SFSWAP: variants seen among roughly 807,000 people sequenced by gnomAD.
The protein encoded by SFSWAP is splicing factor SWAP, also known as splicing factor, suppressor of white-apricot homolog.
In SFSWAP, 17 loss-of-function variants were observed where a neutral mutation model predicts 100.7. The observed-to-expected ratio is 0.17, with a 90% CI of 0.12 to 0.25. SFSWAP has a LOEUF of 0.25. Among genes scored for constraint, SFSWAP ranks in the 10% least tolerant of loss-of-function variants. The pLI is 1.00. For missense variants in SFSWAP, 1,005 were observed against 1,262.6 expected, an observed-to-expected ratio of 0.80 and a Z score of 3.09; for synonymous variants, 504 against 510.1, an observed-to-expected ratio of 0.99 and a Z score of 0.16.
At chr12:131,797,401 AG>A in intron 16 of SFSWAP, 41 bp downstream of exon 16, 2 of 1,547,830 alleles carry the variant, frequency 1.3e-6, no homozygotes, top group South Asian at 2.3e-5. Flanking sequence ...GGGAAAGGCA[AG>A]GGGCGGCCAG....
intron 13 of SFSWAP, among the ~76,000 whole-genome samples, chr12:131,776,680 C>T (rs566018957): frequency 1.3e-5 from 2 of 152,354 alleles, no homozygotes; most frequent in African/African-American, 4.8e-5. Flanking sequence ...TGGAGCTCTC[C>T]CCGGGGAGCA....
At chr12:131,769,264 T>C (rs1025137294) in intron 13 of SFSWAP, among the ~76,000 whole-genome samples, 1 of 152,178 alleles carries the variant, frequency 6.6e-6, no homozygotes, top group Non-Finnish European at 1.5e-5. Context: ...ATATATCCAC[T>C]TCTGTGGTTA....
chr12:131,778,388 G>A lies in SFSWAP; in HGVS notation c.2408+58G>A, dbSNP rs1884196865. 5.1e-6 allele frequency: 8 copies of A among 1,577,346 alleles called. 1 individual carries two copies. In the South Asian group the frequency reaches 8.1e-5, roughly 16 times the overall value. Reference sequence around the variant, plus strand: ...CTCATGACCCCCATGTCCTTCACAGGACACCCAGTAGAGCTAGGTAGAACG... The same window carrying A: ...CTCATGACCCCCATGTCCTTCACAGAACACCCAGTAGAGCTAGGTAGAACG... On this transcript the variant is annotated intron_variant, in intron 14 of 17. Coordinates refer to ENST00000261674, the MANE Select transcript of SFSWAP (RefSeq NM_004592.4). The surrounding 1 kb of genome is among the most constrained non-coding windows in gnomAD (Gnocchi z 4.2).
intron 15 of SFSWAP, 128 bp downstream of exon 15, chr12:131,786,716 C>A: frequency 1.1e-6 from 1 of 897,394 alleles, no homozygotes; most frequent in Non-Finnish European, 1.7e-6. Context: ...GAGTCCCCCA[C>A]CACCCCCCCA....
Position 131,778,334 on chromosome 12 carries a change from G to A in SFSWAP, c.2408+4G>A, listed in dbSNP as rs1372779729. ...ATCGGACAGTGCGGCGGTCGAGGTG[G>A]GTGTGAAGGGGGCAGCACCTCTGGT... On this transcript the variant is annotated splice_donor_region_variant and intron_variant, in intron 14 of 17. Coordinates refer to ENST00000261674, the MANE Select transcript of SFSWAP (RefSeq NM_004592.4). The surrounding 1 kb of genome is among the most constrained non-coding windows in gnomAD (Gnocchi z 4.2). The A allele has an allele frequency of 1.2e-6, 2 of 1,610,512 alleles. No homozygotes were observed. Among genetic ancestry groups the A allele is most frequent in the Admixed American group, 1.7e-5 (1 of 59,512 alleles).
intron 13 of SFSWAP, among the ~76,000 whole-genome samples, chr12:131,774,452 G>C (rs375859421): frequency 6.6e-5 from 10 of 152,134 alleles, no homozygotes; most frequent in Non-Finnish European, 1.5e-5. Context: ...AGAAGTGGCC[G>C]GCGGTAAGCT....
intron 16 of SFSWAP, among the ~76,000 whole-genome samples, 177 bp from the exon 17 acceptor site, chr12:131,798,860 A>C (rs1469475082): frequency 6.6e-6 from 1 of 152,142 alleles, no homozygotes; most frequent in African/African-American, 2.4e-5. Context: ...ATTGCACTCC[A>C]GCCTGGGTGA....
In SFSWAP at chr12:131,730,815, T is replaced by C. The variant is rs1001917905; in HGVS notation, c.1081+2387T>C. Among the ~76,000 whole-genome samples, 17 of 151,986 alleles carry C rather than the reference T, an allele frequency of 1.1e-4. No homozygotes were observed. The highest frequency in any genetic ancestry group is 4.1e-4 in the African/African-American group (17 of 41,344). On this transcript the variant is annotated intron_variant, in intron 7 of 17. Transcript: ENST00000261674. The surrounding 1 kb of genome is among the most constrained non-coding windows in gnomAD (Gnocchi z 4.0). ...CAACTGCAAGGGCTCTAGTAGGGGG[T>C]GCCCTCTCCTCCCCTCAATACGGTG...
At chr12:131,777,773 ATC>A (rs765464458) in intron 13 of SFSWAP, among the ~76,000 whole-genome samples, 3 of 152,198 alleles carry the variant, frequency 2.0e-5, no homozygotes, top group Non-Finnish European at 4.4e-5. Context: ...CCAGCGTAGC[ATC>A]TCTAATACTC....
rs370891564 is a variant in SFSWAP, at chr12:131,778,368, G to C, written c.2408+38G>C. 2 of 1,596,688 alleles carry C rather than the reference G, an allele frequency of 1.3e-6. No individual in the cohort carries two copies. The highest frequency in any genetic ancestry group is 1.4e-5 in the African/African-American group (1 of 73,832). On this transcript the variant is annotated intron_variant, in intron 14 of 17. Coordinates refer to ENST00000261674, the MANE Select transcript of SFSWAP (RefSeq NM_004592.4). This position sits in a 1 kb window ranked among gnomAD's most constrained non-coding sequence, Gnocchi z 4.2. ...GGGGCAGCACCTCTGGTACCCTCAT[G>C]ACCCCCATGTCCTTCACAGGACACC...
chr12:131,767,210 T>C (rs1289258935), intron 13 of SFSWAP, among the ~76,000 whole-genome samples: 3 of 151,938 alleles, frequency 2.0e-5, no homozygotes, highest in Admixed American at 1.3e-4. Context: ...CCCATGCGTG[T>C]CCGAGACCAG....
chr12:131,737,073 C>T (rs759868366), intron 7 of SFSWAP, among the ~76,000 whole-genome samples: 7 of 152,250 alleles, frequency 4.6e-5, no homozygotes, highest in Non-Finnish European at 8.8e-5. Context: ...AAGACTGAGG[C>T]GACGCACATC....
intron 13 of SFSWAP, among the ~76,000 whole-genome samples, chr12:131,768,979 T>C (rs1333136586): frequency 6.6e-6 from 1 of 152,010 alleles, no homozygotes; most frequent in South Asian, 2.1e-4. Context: ...TACAAAAAAT[T>C]AGCCGAGCGT....
In SFSWAP at chr12:131,748,924, G is replaced by C. The variant is rs138173946; in HGVS notation, c.1082-4199G>C. Among the ~76,000 whole-genome samples, 580 of 152,298 alleles carry C rather than the reference G, an allele frequency of 3.8e-3. 1 individual carries two copies. The highest frequency in any genetic ancestry group is 5.9e-3 in the Non-Finnish European group (401 of 68,028). Reference sequence around the variant, plus strand: ...GTCAGCATTTAACTTAGTTTAAAACGTAGTCCCCTTTGGGAAATTCAATAT... The same window carrying C: ...GTCAGCATTTAACTTAGTTTAAAACCTAGTCCCCTTTGGGAAATTCAATAT... On this transcript the variant is annotated intron_variant, in intron 7 of 17. Coordinates refer to ENST00000261674, the MANE Select transcript of SFSWAP (RefSeq NM_004592.4).
intron 13 of SFSWAP, among the ~76,000 whole-genome samples, chr12:131,776,280 G>A (rs572807482): frequency 3.7e-4 from 56 of 152,160 alleles, no homozygotes; most frequent in Admixed American, 1.2e-3. Context: ...ACCTCATAGC[G>A]GCCATCAGAT....
chr12:131,771,454 C>T (rs1015188939), intron 13 of SFSWAP, among the ~76,000 whole-genome samples: 5 of 152,032 alleles, frequency 3.3e-5, no homozygotes, highest in African/African-American at 9.7e-5. Flanking sequence ...CATGGAATTC[C>T]TTTTTTAATT....
In SFSWAP at chr12:131,728,427, C is replaced by T. The variant is rs753601458; in HGVS notation, c.1080C>T (p.Asp360=). The part of the protein sequence containing the change: ...VQPSQVEYTA[D]STVAAMYYSY... ...CCTCCCAGGTGGAGTACACGGCAGA[C>T]TGTGAGTACTCACTGTGTATGTCCT... Residue 360 remains aspartate, a splice_region_variant and synonymous_variant, in exon 7 of 18, where the codon GAC becomes GAT. Coordinates refer to ENST00000261674, the MANE Select transcript of SFSWAP (RefSeq NM_004592.4). The T allele has an allele frequency of 1.9e-6, 3 of 1,614,062 alleles. No individual in the cohort carries two copies. The highest frequency in any genetic ancestry group is 3.3e-5 in the Admixed American group (2 of 60,016).
intron 13 of SFSWAP, among the ~76,000 whole-genome samples, chr12:131,769,651 G>A (rs1435979878): frequency 2.6e-5 from 4 of 152,032 alleles, no homozygotes. Flanking sequence ...TTTTGAGACA[G>A]AGTCTTGCTC....
intron 12 of SFSWAP, among the ~76,000 whole-genome samples, chr12:131,765,204 A>G (rs990450751): frequency 1.3e-5 from 2 of 152,276 alleles, no homozygotes; most frequent in Non-Finnish European, 2.9e-5. Context: ...GACAGCATGT[A>G]GTCTTCCCAT....
Sources: gnomAD v4.1 joint callset for allele counts (sites outside exome capture counted in the v4.1 genomes callset) on GRCh38, gnomAD v4.1.1 for gene constraint, Gnocchi (gnomAD v3.1) non-coding constraint, MANE v1.5 for transcripts, NCBI Gene and HGNC (gene_info 2026-07-23, HGNC 2026-07-21) for gene names.